The following PARD3B variants were observed in gnomAD, a reference collection of about 807,000 sequenced individuals.
The protein encoded by PARD3B is par-3 family cell polarity regulator beta, also known as partitioning defective 3 homolog B.
In PARD3B, 103 loss-of-function variants were observed where a neutral mutation model predicts 130.2. The ratio of observed to expected loss-of-function variants is 0.79; its 90% CI spans 0.67 to 0.93. The LOEUF (loss-of-function observed/expected upper bound fraction) is 0.93, where lower values mean the gene tolerates loss of function less well. Ranked by LOEUF, PARD3B falls within the 40% of genes least tolerant of loss-of-function variation. The pLI is 0.00. For synonymous variants in PARD3B, 583 were observed against 553.2 expected (o/e 1.05, Z -0.76); for missense variants, 1,609 against 1,499.2 (o/e 1.07, Z -1.21).
chr2:204,771,723 A>T (rs899648845), intron 2 of PARD3B, among the ~76,000 whole-genome samples: 1 of 152,122 alleles, frequency 6.6e-6, no homozygotes, highest in Non-Finnish European at 1.5e-5. Context: ...ACTTTTTCCC[A>T]TGTCTTTAAA....
chr2:204,936,811 A>G (rs1688494128), intron 2 of PARD3B, among the ~76,000 whole-genome samples: 1 of 152,266 alleles, frequency 6.6e-6, no homozygotes, highest in Non-Finnish European at 1.5e-5. Context: ...AAATTAAAAT[A>G]GTGAATCTTT....
At chr2:204,965,466 T>C in intron 3 of PARD3B, 143 bp downstream of exon 3, 2 of 934,758 alleles carry the variant, frequency 2.1e-6, no homozygotes, top group Non-Finnish European at 3.1e-6. Flanking sequence ...TTTTTTTACA[T>C]AGCTCTTTGC....
In PARD3B at chr2:205,253,336, C is replaced by T. The variant is rs1280447425; in HGVS notation, c.2185+7514C>T. The stretch of plus-strand genomic sequence containing the variant: ...CCCCCTACAAAGGAGGCCATGGAAC[C>T]GATGGAACTGATGGAGGAAATGCTG... On this transcript the variant is annotated intron_variant, in intron 16 of 22. Coordinates refer to ENST00000406610, the MANE Select transcript of PARD3B (RefSeq NM_001302769.2). The surrounding 1 kb of genome is among the most constrained non-coding windows in gnomAD (Gnocchi z 4.4). The T allele has an allele frequency of 1.5e-5, 8 of 543,066 alleles. No individual in the cohort carries two copies. Among genetic ancestry groups the T allele is most frequent in the African/African-American group, 3.8e-5 (2 of 52,752 alleles). The allele number at this position is 543,066 out of a possible 1,614,324, so 33.6% of individuals were successfully genotyped here. A position where few individuals can be genotyped will look rare whatever the true frequency, so the allele number is the denominator to read the frequency against.
At chr2:205,517,415 A>T (rs2050836230) in intron 21 of PARD3B, among the ~76,000 whole-genome samples, 1 of 152,112 alleles carries the variant, frequency 6.6e-6, no homozygotes, top group African/African-American at 2.4e-5. Context: ...CTGTGGGGTC[A>T]GTGCTAATAT....
intron 4 of PARD3B, among the ~76,000 whole-genome samples, chr2:205,056,693 C>G (rs1026954969): frequency 6.6e-6 from 1 of 151,722 alleles, no homozygotes; most frequent in African/African-American, 2.4e-5. Flanking sequence ...ATTTTTCAGA[C>G]AGAACTCTCT....
intron 22 of PARD3B, among the ~76,000 whole-genome samples, chr2:205,566,009 G>A (rs2053318437): frequency 6.6e-6 from 1 of 151,922 alleles, no homozygotes; most frequent in African/African-American, 2.4e-5. Flanking sequence ...ATGATCTGAA[G>A]GAGGTTTAAG....
intron 18 of PARD3B, among the ~76,000 whole-genome samples, chr2:205,307,340 A>G (rs547037705): frequency 6.6e-6 from 1 of 152,140 alleles, no homozygotes; most frequent in Non-Finnish European, 1.5e-5. Flanking sequence ...TACTTTGTTG[A>G]TTTCAGAATT....
At chr2:204,922,448 T>C in intron 2 of PARD3B, among the ~76,000 whole-genome samples, 1 of 152,188 alleles carries the variant, frequency 6.6e-6, no homozygotes, top group African/African-American at 2.4e-5. Flanking sequence ...AATGAATAAA[T>C]GTAAGAAATT....
intron 4 of PARD3B, among the ~76,000 whole-genome samples, chr2:205,084,883 T>C (rs1255834916): frequency 1.3e-5 from 2 of 152,046 alleles, no homozygotes; most frequent in Non-Finnish European, 2.9e-5. Context: ...ATAAACTTTT[T>C]CTCTATATAT....
intron 2 of PARD3B, among the ~76,000 whole-genome samples, chr2:204,847,066 A>G (rs1000763331): frequency 6.6e-6 from 1 of 152,140 alleles, no homozygotes; most frequent in African/African-American, 2.4e-5. Context: ...AGATTAAGGA[A>G]TAGACTATCG....
At chr2:205,018,749 A>AAAAAAAAAG (rs1559359658) in intron 3 of PARD3B, among the ~76,000 whole-genome samples, 30 of 120,086 alleles carry the variant, frequency 2.5e-4, no homozygotes, top group Admixed American at 4.2e-4. Context: ...AAAAAAAAAA[A>AAAAAAAAAG]AGCACGCTGA....
In PARD3B at chr2:205,440,796, G is replaced by C. The variant is rs762182144; in HGVS notation, c.3044+124G>C. The C allele has an allele frequency of 2.9e-5, 29 of 1,011,364 alleles. No homozygotes were observed. Among genetic ancestry groups the C allele is most frequent in the Non-Finnish European group, 3.1e-5 (22 of 702,632 alleles). The allele number at this position is 1,011,364 out of a possible 1,614,324, so 62.6% of individuals were successfully genotyped here. A position where few individuals can be genotyped will look rare whatever the true frequency, so the allele number is the denominator to read the frequency against. Reference sequence around the variant, plus strand: ...AAAACTGAAACGAGTCAGTACCCTAGACAAGTGCCATCCTTTGACCGACCT... The same window carrying C: ...AAAACTGAAACGAGTCAGTACCCTACACAAGTGCCATCCTTTGACCGACCT... On this transcript the variant is annotated intron_variant, in intron 20 of 22. Coordinates refer to ENST00000406610, the MANE Select transcript of PARD3B (RefSeq NM_001302769.2). The surrounding 1 kb of genome is among the most constrained non-coding windows in gnomAD (Gnocchi z 4.2).
At chr2:204,809,966 C>T (rs2125520837) in intron 2 of PARD3B, among the ~76,000 whole-genome samples, 1 of 152,082 alleles carries the variant, frequency 6.6e-6, no homozygotes, top group East Asian at 1.9e-4. Context: ...CCCTGGTTAG[C>T]TGTATTTCTA....
intron 13 of PARD3B, among the ~76,000 whole-genome samples, chr2:205,181,992 T>C (rs559998207): frequency 6.6e-6 from 1 of 152,270 alleles, no homozygotes; most frequent in Non-Finnish European, 1.5e-5. Flanking sequence ...GAATATGTTG[T>C]TTAAAAAATG....
chr2:205,578,138 C>T (rs1285670159), intron 22 of PARD3B, among the ~76,000 whole-genome samples: 1 of 152,154 alleles, frequency 6.6e-6, no homozygotes, highest in Non-Finnish European at 1.5e-5. Context: ...AACTACTCTT[C>T]CACTGATAAG....
At chr2:204,979,344 C>G (rs1692470330) in intron 3 of PARD3B, among the ~76,000 whole-genome samples, 2 of 152,206 alleles carry the variant, frequency 1.3e-5, no homozygotes, top group African/African-American at 4.8e-5. Flanking sequence ...TGTCTGCCTT[C>G]TGTGTGTGCT....
intron 2 of PARD3B, among the ~76,000 whole-genome samples, chr2:204,940,929 GA>G (rs11327156): frequency 0.71 from 107,875 of 151,746 alleles, 39,525 homozygotes; most frequent in African/African-American, 0.88. Context: ...TACAGTACAA[GA>G]AAAAAGTAAG....
chr2:204,960,375 G>C (rs1690637670), intron 2 of PARD3B, among the ~76,000 whole-genome samples: 1 of 152,112 alleles, frequency 6.6e-6, no homozygotes, highest in African/African-American at 2.4e-5. Context: ...AAAGGAAAGA[G>C]AAGATAGATA....
Position 205,254,088 on chromosome 2 carries a change from T to TAA in PARD3B, c.2185+8290_2185+8291dup, listed in dbSNP as rs11287171. Among the ~76,000 whole-genome samples, 690 of 75,852 alleles carry TAA rather than the reference T, an allele frequency of 9.1e-3. 9 individuals are homozygous for TAA. The highest frequency in any genetic ancestry group is 0.023 in the African/African-American group (490 of 21,170). The allele number at this position is 75,852 out of a possible 152,430, so 49.8% of individuals were successfully genotyped here. A position where few individuals can be genotyped will look rare whatever the true frequency, so the allele number is the denominator to read the frequency against. The stretch of plus-strand genomic sequence containing the variant: ...GTGGTATCATTAGTTGTAGAGAAAT[T>TAA]AAAAAAAAAAAAAAAAAAAAAAAAA... On this transcript the variant is annotated intron_variant, in intron 16 of 22. Transcript: ENST00000406610.
Sources: allele counts gnomAD v4.1 joint callset (sites outside exome capture counted in the v4.1 genomes callset), GRCh38; gene constraint gnomAD v4.1.1; non-coding constraint Gnocchi (gnomAD v3.1); transcripts MANE v1.5; gene names NCBI Gene and HGNC (gene_info 2026-07-23, HGNC 2026-07-21).